DIAPH1: variants seen among roughly 807,000 people sequenced by gnomAD.
DIAPH1 encodes protein diaphanous homolog 1.
Under a neutral mutation model 140.7 loss-of-function variants are expected in DIAPH1, and 46 were observed. The observed-to-expected ratio is 0.33, with a 90% CI of 0.26 to 0.42. DIAPH1 has a LOEUF of 0.42. DIAPH1 is among the 10% of genes least tolerant of loss of function. The pLI is 1.00. For synonymous variants in DIAPH1, 565 were observed against 551.6 expected (o/e 1.02, Z -0.34); for missense variants, 1,310 against 1,558.7 (o/e 0.84, Z 2.69).
At chr5:141,543,669 A>T (rs1483926134) in intron 18 of DIAPH1, among the ~76,000 whole-genome samples, 2 of 152,214 alleles carry the variant, frequency 1.3e-5, no homozygotes, top group African/African-American at 4.8e-5. Flanking sequence ...AAGGTAGGCT[A>T]GGCTAAGAAA....
At position 141,609,487 on chromosome 5, in the gene DIAPH1, T is replaced by C. The variant is rs527700490; in HGVS notation, c.117+9311A>G. Among the ~76,000 whole-genome samples, 9 of 152,328 alleles carry C rather than the reference T, an allele frequency of 5.9e-5. 1 individual carries two copies. In the South Asian group the frequency reaches 1.7e-3, roughly 28 times the overall value. ...TCCTAGCTCTGTCACTAACTAGTTC[T>C]ATGTCTTCAAGCAGGCTGCTTGATC... On this transcript the variant is annotated intron_variant, in intron 1 of 27. Coordinates refer to ENST00000389054, the MANE Select transcript of DIAPH1 (RefSeq NM_005219.5).
intron 27 of DIAPH1, chr5:141,518,961 C>T (rs958428146): frequency 6.4e-7 from 1 of 1,550,680 alleles, no homozygotes; most frequent in Non-Finnish European, 8.7e-7. Flanking sequence ...AAGGTCTCCT[C>T]CTCCTCCTCT....
In DIAPH1 at chr5:141,575,039, C is replaced by T. The variant is rs770638393; in HGVS notation, c.1569G>A (p.Leu523=). The stretch of plus-strand genomic sequence containing the variant: ...TGGCAATTTGCTGCTTTTCAGAATG[C>T]AGTGCATCTTTTTCTCCCTGAAGAT... ...LQDLQGEKDA[L]HSEKQQIATE... is the part of the protein sequence containing the mutation. Residue 523 remains leucine (L), a synonymous_variant, in exon 15 of 28, where the codon CTG becomes CTA. Coordinates refer to ENST00000389054, the MANE Select transcript of DIAPH1 (RefSeq NM_005219.5). 5 of 1,614,144 alleles carry T rather than the reference C, an allele frequency of 3.1e-6. No homozygotes were observed. Among genetic ancestry groups the T allele is most frequent in the Non-Finnish European group, 2.5e-6 (3 of 1,180,020 alleles).
At chr5:141,538,720 A>T (rs563138055) in intron 18 of DIAPH1, among the ~76,000 whole-genome samples, 1 of 152,232 alleles carries the variant, frequency 6.6e-6, no homozygotes, top group South Asian at 2.1e-4. Context: ...GGCGTGAGCC[A>T]CCGTGCCCAG....
chr5:141,546,959 TG>T (rs1470441397), intron 18 of DIAPH1, among the ~76,000 whole-genome samples: 1 of 152,248 alleles, frequency 6.6e-6, no homozygotes, highest in Non-Finnish European at 1.5e-5. Context: ...ATGCAATGCC[TG>T]GGCATTTAAT....
intron 27 of DIAPH1, among the ~76,000 whole-genome samples, chr5:141,521,117 T>C (rs1356459856): frequency 6.6e-6 from 1 of 152,136 alleles, no homozygotes; most frequent in African/African-American, 2.4e-5. Context: ...AGTCACCTTA[T>C]CTGGTTTTAA....
At chr5:141,528,386 G>T in intron 23 of DIAPH1, 67 bp downstream of exon 23, 1 of 1,607,366 alleles carries the variant, frequency 6.2e-7, no homozygotes, top group South Asian at 1.1e-5. Context: ...CTCACATCTA[G>T]ACTGTGTCTT....
chr5:141,517,037 A>G (rs772326558), intron 27 of DIAPH1, 29 bp from the exon 28 acceptor site: 2 of 1,613,382 alleles, frequency 1.2e-6, no homozygotes, highest in South Asian at 1.1e-5. Flanking sequence ...GATTCTGTCT[A>G]TGGAAGGCCT....
At chr5:141,587,517 C>G (rs1202861284) in intron 2 of DIAPH1, 1 of 349,002 alleles carries the variant, frequency 2.9e-6, no homozygotes, top group African/African-American at 2.1e-5. Context: ...CTGAAAGCCT[C>G]TCATGACAGA....
Position 141,531,428 on chromosome 5 carries a change from T to C in DIAPH1, c.2582-1731A>G, listed in dbSNP as rs543732171. Among the ~76,000 whole-genome samples the C allele has an allele frequency of 1.8e-3, 278 of 151,832 alleles. 1 individual carries two copies. Among genetic ancestry groups the C allele is most frequent in the African/African-American group, 6.2e-3 (259 of 41,452 alleles). Reference sequence around the variant, plus strand: ...AGCCTCAAGCAATCCTCCACCCACCTCAGTCTCCCAAGTGGCTGGGACTAT... The same window carrying C: ...AGCCTCAAGCAATCCTCCACCCACCCCAGTCTCCCAAGTGGCTGGGACTAT... On this transcript the variant is annotated intron_variant, in intron 19 of 27. Transcript: ENST00000389054.
chr5:141,559,481 G>T (rs2099893184), intron 18 of DIAPH1, among the ~76,000 whole-genome samples: 2 of 152,144 alleles, frequency 1.3e-5, no homozygotes, highest in African/African-American at 4.8e-5. Flanking sequence ...TAAAGGACAA[G>T]AACAAAGCCA....
At chr5:141,587,008 G>C (rs201374595) in intron 3 of DIAPH1, 34 bp downstream of exon 3, 30 of 1,612,922 alleles carry the variant, frequency 1.9e-5, no homozygotes, top group Non-Finnish European at 2.5e-5. Context: ...TAAATGCACA[G>C]GAAGAAGCAA....
At chr5:141,553,267 G>GGGTGACA (rs1280615175) in intron 18 of DIAPH1, among the ~76,000 whole-genome samples, 2 of 151,878 alleles carry the variant, frequency 1.3e-5, no homozygotes, top group Non-Finnish European at 2.9e-5. Flanking sequence ...ACTCCAGCCT[G>GGGTGACA]GGTGACAGGC....
At chr5:141,524,793 G>T (rs1596335973) in intron 26 of DIAPH1, 1 of 173,464 alleles carries the variant, frequency 5.8e-6, no homozygotes, top group East Asian at 1.5e-4. Context: ...AGCCTGGCTC[G>T]GTTTCCATGA....
chr5:141,582,134 C>T, intron 7 of DIAPH1, 178 bp downstream of exon 7: 1 of 314,926 alleles, frequency 3.2e-6, no homozygotes, highest in Non-Finnish European at 6.1e-6. Context: ...GAAGTTAGAA[C>T]TGAGAAAAAA....
intron 18 of DIAPH1, among the ~76,000 whole-genome samples, chr5:141,547,648 A>G (rs1262226727): frequency 6.6e-6 from 1 of 152,140 alleles, no homozygotes; most frequent in Non-Finnish European, 1.5e-5. Context: ...TAAGAATGAA[A>G]AAGAATGTAA....
In DIAPH1 at chr5:141,524,440, T is replaced by C. The variant is rs1417048771; in HGVS notation, c.3575-211A>G. The C allele has an allele frequency of 9.8e-6, 6 of 613,854 alleles. 1 individual carries two copies. The highest frequency in any genetic ancestry group is 5.9e-5 in the East Asian group (2 of 33,942). The allele number at this position is 613,854 out of a possible 1,614,324, so 38.0% of individuals were successfully genotyped here. A position where few individuals can be genotyped will look rare whatever the true frequency, so the allele number is the denominator to read the frequency against. ...AAAATGGTTAAAACAAAAGATCTCATTGCCTATTATCCAATGCAGACCTTG... is the reference window on the plus strand; with the variant it reads ...AAAATGGTTAAAACAAAAGATCTCACTGCCTATTATCCAATGCAGACCTTG... On this transcript the variant is annotated intron_variant, in intron 26 of 27. Transcript: ENST00000389054.
chr5:141,616,935 T>G (rs1015864334), intron 1 of DIAPH1, among the ~76,000 whole-genome samples: 1 of 152,186 alleles, frequency 6.6e-6, no homozygotes, highest in Non-Finnish European at 1.5e-5. Context: ...GGGTTGAGCT[T>G]CCTCAGGTTT....
Position 141,526,552 on chromosome 5 carries a change from T to A in DIAPH1, c.3274-91A>T. 2 of 1,482,732 alleles carry A rather than the reference T, an allele frequency of 1.3e-6. No individual in the cohort carries two copies. Among genetic ancestry groups the A allele is most frequent in the South Asian group, 2.3e-5 (2 of 88,018 alleles). 91.8% of individuals were successfully genotyped at this position (1,482,732 alleles called of 1,614,324 possible). A position where few individuals can be genotyped will look rare whatever the true frequency, so the allele number is the denominator to read the frequency against. ...AATTACTCAAAGATGAGTACTGGCA[T>A]GCAAAGGGATGTTCAATACAGCACT... On this transcript the variant is annotated intron_variant, in intron 24 of 27. Coordinates refer to ENST00000389054, the MANE Select transcript of DIAPH1 (RefSeq NM_005219.5).
Sources: allele counts gnomAD v4.1 joint callset (sites outside exome capture counted in the v4.1 genomes callset), GRCh38; gene constraint gnomAD v4.1.1; transcripts MANE v1.5; gene names NCBI Gene and HGNC (gene_info 2026-07-23, HGNC 2026-07-21).